FER: variants seen among roughly 807,000 people sequenced by gnomAD.
The protein encoded by FER is tyrosine-protein kinase Fer.
A neutral mutation model predicts 111.0 loss-of-function variants in FER; 63 were observed. The observed-to-expected ratio is 0.57, with a 90% confidence interval of 0.46 to 0.70. The LOEUF is 0.70. FER is among the 30% of genes least tolerant of loss of function. The pLI, the probability that FER is intolerant of heterozygous loss-of-function variation, is 0.00. For synonymous variants in FER, 327 were observed against 313.9 expected (o/e 1.04, Z -0.44); for missense variants, 914 against 954.0 (o/e 0.96, Z 0.55).
chr5:108,914,349 ATACT>A (rs985701982), intron 10 of FER, among the ~76,000 whole-genome samples: 13 of 152,174 alleles, frequency 8.5e-5, no homozygotes, highest in East Asian at 5.8e-4. Flanking sequence ...CATATATGCC[ATACT>A]TACTTTTCTC....
intron 13 of FER, among the ~76,000 whole-genome samples, chr5:109,021,977 T>C (rs1187293730): frequency 6.6e-6 from 1 of 152,072 alleles, no homozygotes; most frequent in African/African-American, 2.4e-5. Context: ...AAGATAATTA[T>C]AGGTTCATCA....
At position 108,991,576 on chromosome 5, in the gene FER, A is replaced by G. The variant is rs552614186; in HGVS notation, c.1656+32229A>G. ...CATTTATTCCAGGATTGTCATTTATATCACATTTGTGCAGAATTTATAATC... is the reference window on the plus strand; with the variant it reads ...CATTTATTCCAGGATTGTCATTTATGTCACATTTGTGCAGAATTTATAATC... On this transcript the variant is annotated intron_variant, in intron 13 of 19. Coordinates refer to ENST00000281092, the MANE Select transcript of FER (RefSeq NM_005246.4). Among the ~76,000 whole-genome samples, 3 of 152,272 alleles carry G rather than the reference A, an allele frequency of 2.0e-5. No homozygotes were observed. The East Asian group carries it at 5.8e-4, about 29-fold the overall frequency.
chr5:109,103,441 AT>A (rs1748499727), intron 17 of FER, among the ~76,000 whole-genome samples: 1 of 152,144 alleles, frequency 6.6e-6, no homozygotes, highest in African/African-American at 2.4e-5. Context: ...TAGGAAAACA[AT>A]TATGACAACT....
intron 2 of FER, among the ~76,000 whole-genome samples, chr5:108,792,395 A>G (rs372548690): frequency 6.6e-6 from 1 of 152,202 alleles, no homozygotes; most frequent in Non-Finnish European, 1.5e-5. Flanking sequence ...GCTGGAGTGC[A>G]GTGGGCGTGA....
At chr5:109,177,041 A>G (rs1757778949) in intron 17 of FER, among the ~76,000 whole-genome samples, 1 of 152,198 alleles carries the variant, frequency 6.6e-6, no homozygotes, top group Non-Finnish European at 1.5e-5. Context: ...TCTGATGGGA[A>G]ACGTTTGGTC....
chr5:108,876,938 A>G (rs991940768), intron 8 of FER, among the ~76,000 whole-genome samples: 1 of 152,072 alleles, frequency 6.6e-6, no homozygotes, highest in African/African-American at 2.4e-5. Flanking sequence ...TGCCAACAAA[A>G]TATTTGTGAA....
chr5:109,016,282 G>C (rs1457882795), intron 13 of FER, among the ~76,000 whole-genome samples: 1 of 151,994 alleles, frequency 6.6e-6, no homozygotes, highest in South Asian at 2.1e-4. Flanking sequence ...TCTATAGGCT[G>C]ATGATAAGCT....
chr5:108,872,946 A>G (rs1038462840), intron 8 of FER, among the ~76,000 whole-genome samples: 15 of 152,240 alleles, frequency 9.9e-5, no homozygotes, highest in East Asian at 7.7e-4. Context: ...TTGCTCCTCA[A>G]TGTTAGACAT....
At chr5:108,947,348 T>C (rs1757121911) in intron 11 of FER, among the ~76,000 whole-genome samples, 1 of 152,060 alleles carries the variant, frequency 6.6e-6, no homozygotes, top group Admixed American at 6.6e-5. Flanking sequence ...CTCCACATTC[T>C]TGCCAACAAT....
rs115771287 is a variant in FER, at chr5:109,011,978, C to T, written c.1657-25444C>T. Among the ~76,000 whole-genome samples, 201 of 152,296 alleles carry T rather than the reference C, an allele frequency of 1.3e-3. 1 individual carries two copies. The highest frequency in any genetic ancestry group is 2.0e-3 in the Non-Finnish European group (133 of 68,024). On this transcript the variant is annotated intron_variant, in intron 13 of 19. Coordinates refer to ENST00000281092, the MANE Select transcript of FER (RefSeq NM_005246.4). ...GCTGTTTTCTTTACCTGGAGTATTG[C>T]CTTCTTGTGCTTCCCTTTTCTCCCC...
At chr5:108,793,364 C>T (rs569781904) in intron 2 of FER, among the ~76,000 whole-genome samples, 262 of 152,248 alleles carry the variant, frequency 1.7e-3, no homozygotes, top group African/African-American at 6.1e-3. Flanking sequence ...GAATAGTACT[C>T]CATTGCGTAT....
intron 1 of FER, among the ~76,000 whole-genome samples, chr5:108,759,052 A>G (rs1751429043): frequency 6.6e-6 from 1 of 152,186 alleles, no homozygotes; most frequent in Non-Finnish European, 1.5e-5. Flanking sequence ...ATCTCTGGAT[A>G]ATTTCTTTAG....
At chr5:108,847,988 A>G (rs1207079221) in intron 5 of FER, among the ~76,000 whole-genome samples, 2 of 152,124 alleles carry the variant, frequency 1.3e-5, no homozygotes, top group East Asian at 1.9e-4. Context: ...CCTGGGCTCA[A>G]GTAATCCTCC....
intron 1 of FER, among the ~76,000 whole-genome samples, chr5:108,763,191 A>G (rs971432116): frequency 6.6e-6 from 1 of 152,228 alleles, no homozygotes; most frequent in Admixed American, 6.5e-5. Flanking sequence ...TCACGTAACC[A>G]TTAACTCTGA....
chr5:108,894,385 G>T (rs1260635507), intron 9 of FER: 1 of 969,086 alleles, frequency 1.0e-6, no homozygotes, highest in Non-Finnish European at 1.4e-6. Flanking sequence ...GCTGCATCCT[G>T]TAGCAACTGT....
intron 11 of FER, among the ~76,000 whole-genome samples, chr5:108,951,811 C>A (rs1298938640): frequency 6.6e-6 from 1 of 151,950 alleles, no homozygotes; most frequent in African/African-American, 2.4e-5. Flanking sequence ...GTTTTTGCCT[C>A]CCAAAAAGAA....
chr5:108,810,703 G>A (rs7735235), intron 3 of FER, among the ~76,000 whole-genome samples: 63,652 of 151,906 alleles, frequency 0.42, 14,868 homozygotes, highest in African/African-American at 0.63. Flanking sequence ...GGTGCTCCCA[G>A]TGGAGATCTG....
chr5:109,123,995 C>T (rs1393472917), intron 17 of FER, among the ~76,000 whole-genome samples: 1 of 151,898 alleles, frequency 6.6e-6, no homozygotes, highest in Non-Finnish European at 1.5e-5. Flanking sequence ...TTTGGGAGAC[C>T]GAGGTAGATC....
At chr5:109,004,294 G>C (rs1052770129) in intron 13 of FER, among the ~76,000 whole-genome samples, 15 of 152,146 alleles carry the variant, frequency 9.9e-5, no homozygotes, top group South Asian at 4.1e-4. Flanking sequence ...GCATACATCA[G>C]AGATAACATT....
Sources: gnomAD v4.1 joint callset for allele counts (sites outside exome capture counted in the v4.1 genomes callset) on GRCh38, gnomAD v4.1.1 for gene constraint, MANE v1.5 for transcripts, NCBI Gene and HGNC (gene_info 2026-07-23, HGNC 2026-07-21) for gene names.